KLRD1: variants seen among roughly 807,000 people sequenced by gnomAD.
The protein encoded by KLRD1 is killer cell lectin like receptor D1, also known as natural killer cells antigen CD94.
KLRD1 carries 21 observed loss-of-function variants against 22.6 expected under a neutral mutation model. The observed-to-expected ratio is 0.93, with a 90% confidence interval of 0.66 to 1.34. The LOEUF is 1.34. KLRD1 is among the 40% of genes most tolerant of loss of function. KLRD1 has a pLI of 0.00. For missense variants in KLRD1, 183 were observed against 208.6 expected (o/e 0.88, Z 0.76); for synonymous variants, 59 against 71.1 (o/e 0.83, Z 0.85).
At chr12:10,267,802 A>T (rs988631180) in intron 1 of KLRD1, among the ~76,000 whole-genome samples, 1 of 152,202 alleles carries the variant, frequency 6.6e-6, no homozygotes, top group Non-Finnish European at 1.5e-5. Context: ...GTAATTGTTA[A>T]TATGAACTAC....
At chr12:10,248,536 TCCTTCCTTCCTTCC>T (rs1565446955) in intron 1 of KLRD1, among the ~76,000 whole-genome samples, 8,909 of 112,262 alleles carry the variant, frequency 0.079, 561 homozygotes, top group African/African-American at 0.18. Context: ...TTCTTTTCCT[TCCTTCCTTCCTTCC>T]TTCCTTCCTT....
At position 10,266,947 on chromosome 12, in the gene KLRD1, T is replaced by C. The variant is rs1324823519; in HGVS notation, c.-101+40714T>C. Among the ~76,000 whole-genome samples the C allele has an allele frequency of 2.7e-5, 4 of 150,844 alleles. No homozygotes were observed. The East Asian group carries it at 7.7e-4, about 29-fold the overall frequency. ...ACACTTTGGTTTCTTTTTTTTCTTATTATACTTTAAGTTTTAGGGTACATG... is the reference window on the plus strand; with the variant it reads ...ACACTTTGGTTTCTTTTTTTTCTTACTATACTTTAAGTTTTAGGGTACATG... On this transcript the variant is annotated intron_variant, in intron 1 of 5. Transcript: ENST00000544747.
intron 1 of KLRD1, among the ~76,000 whole-genome samples, chr12:10,285,262 G>C (rs747279219): frequency 6.6e-6 from 1 of 152,116 alleles, no homozygotes; most frequent in African/African-American, 2.4e-5. Flanking sequence ...TGCTAAAATT[G>C]AAATTTAAGT....
chr12:10,271,868 A>C (rs1030855945), intron 1 of KLRD1, among the ~76,000 whole-genome samples: 1 of 152,090 alleles, frequency 6.6e-6, no homozygotes, highest in African/African-American at 2.4e-5. Context: ...TCTTTTAAAA[A>C]AATTCTTAGT....
At chr12:10,253,160 T>C (rs1384862374) in intron 1 of KLRD1, among the ~76,000 whole-genome samples, 1 of 152,044 alleles carries the variant, frequency 6.6e-6, no homozygotes, top group Non-Finnish European at 1.5e-5. Context: ...ATGCTTATAG[T>C]TCTAGCAATT....
chr12:10,307,146 A>G (rs971209679), upstream of KLRD1, among the ~76,000 whole-genome samples: 3 of 152,170 alleles, frequency 2.0e-5, no homozygotes, highest in Non-Finnish European at 4.4e-5. Context: ...TCTTCTGTAG[A>G]TGAAAAAGTG....
chr12:10,277,733 T>C (rs1005602620), intron 1 of KLRD1, among the ~76,000 whole-genome samples: 1 of 152,218 alleles, frequency 6.6e-6, no homozygotes, highest in Non-Finnish European at 1.5e-5. Context: ...TTTTATTTAT[T>C]TTATGATATT....
At chr12:10,293,954 C>T (rs1386800819) in intron 1 of KLRD1, among the ~76,000 whole-genome samples, 2 of 152,080 alleles carry the variant, frequency 1.3e-5, no homozygotes, top group Non-Finnish European at 2.9e-5. Flanking sequence ...TATTTTTATT[C>T]CCTTGGTATG....
At chr12:10,301,254 T>C (rs1177466036), upstream of KLRD1, among the ~76,000 whole-genome samples, 1 of 152,216 alleles carries the variant, frequency 6.6e-6, no homozygotes, top group East Asian at 1.9e-4. Context: ...TTTTTTCTTT[T>C]TCTGTTCCAT....
intron 1 of KLRD1, among the ~76,000 whole-genome samples, chr12:10,267,166 A>T (rs1292294934): frequency 6.7e-6 from 1 of 149,596 alleles, no homozygotes; most frequent in African/African-American, 2.5e-5. Context: ...TAATCTCATA[A>T]AATTTTACTT....
chr12:10,254,487 G>T (rs775576666), intron 1 of KLRD1, among the ~76,000 whole-genome samples: 2 of 150,188 alleles, frequency 1.3e-5, no homozygotes, highest in Non-Finnish European at 3.0e-5. Context: ...TGTACAGACT[G>T]GGAGAAAATA....
chr12:10,302,208 A>G (rs191432948), upstream of KLRD1, among the ~76,000 whole-genome samples: 33 of 152,360 alleles, frequency 2.2e-4, no homozygotes, highest in East Asian at 6.2e-3. Context: ...CTTACTTGAC[A>G]TAAAGTTGCC....
rs1159038356 is a variant in KLRD1 at position 10,323,944 on chromosome 12, C to T, written c.*9151C>T. ...TGGTGTGATCTCAGCTCACTGCAAC[C>T]TTCACCACCTGGGTTCAAGTTATTC... On this transcript the variant is annotated 3_prime_UTR_variant, in exon 6 of 6. Coordinates refer to ENST00000336164, the MANE Select transcript of KLRD1 (RefSeq NM_002262.5). 7.3e-6 allele frequency: 1 copy of T among 137,918 alleles called. No individual in the cohort carries two copies. The highest frequency in any genetic ancestry group is 1.5e-5 in the Non-Finnish European group (1 of 65,718). 8.5% of individuals were successfully genotyped at this position (137,918 alleles called of 1,614,324 possible).
At chr12:10,303,743 G>T (rs140922669), upstream of KLRD1, among the ~76,000 whole-genome samples, 20 of 152,132 alleles carry the variant, frequency 1.3e-4, no homozygotes, top group African/African-American at 4.3e-4. Context: ...TCTTTTTCTG[G>T]CATGCATCCC....
rs1258242642 is a variant in KLRD1 at position 10,325,253 on chromosome 12, G to T, written c.*10460G>T. 1 of 151,964 alleles carries T rather than the reference G, an allele frequency of 6.6e-6. No homozygotes were observed. Among genetic ancestry groups the T allele is most frequent in the Non-Finnish European group, 1.5e-5 (1 of 67,944 alleles). The allele number at this position is 151,964 out of a possible 1,614,324, so 9.4% of individuals were successfully genotyped here. On this transcript the variant is annotated 3_prime_UTR_variant, in exon 6 of 6. Coordinates refer to ENST00000336164, the MANE Select transcript of KLRD1 (RefSeq NM_002262.5). ...ATGCTTTTATTAAATGTTTTATTCT[G>T]CCTCGATTGAAATCAGATAGTTTTT...
At chr12:10,265,170 A>G (rs552684365) in intron 1 of KLRD1, among the ~76,000 whole-genome samples, 6 of 152,082 alleles carry the variant, frequency 3.9e-5, no homozygotes, top group Non-Finnish European at 8.8e-5. Context: ...TTTTAAAAAA[A>G]TTTTTTCAAA....
chr12:10,247,653 G>A (rs1227463691), intron 1 of KLRD1, among the ~76,000 whole-genome samples: 1 of 152,134 alleles, frequency 6.6e-6, no homozygotes, highest in Non-Finnish European at 1.5e-5. Flanking sequence ...TTGAATTGAA[G>A]TTCCCCTAAT....
At chr12:10,312,051 C>CTTTTT (rs71049085) in intron 4 of KLRD1, among the ~76,000 whole-genome samples, 103 of 123,108 alleles carry the variant, frequency 8.4e-4, no homozygotes, top group African/African-American at 1.3e-3. Flanking sequence ...CTTTTCTTTT[C>CTTTTT]TTTTTTTTTT....
Position 10,316,749 on chromosome 12 carries a change from T to C in KLRD1, c.*1956T>C, listed in dbSNP as rs1950239645. On this transcript the variant is annotated 3_prime_UTR_variant, in exon 6 of 6. Transcript: ENST00000336164. ...GCCTTTTGGTTCCTTGATTCCCATA[T>C]GCTAGGACAAGTAATTATTATTTTA... 1 of 152,242 alleles carries C rather than the reference T, an allele frequency of 6.6e-6. No individual in the cohort carries two copies. 9.4% of individuals were successfully genotyped at this position (152,242 alleles called of 1,614,324 possible). A position where few individuals can be genotyped will look rare whatever the true frequency, so the allele number is the denominator to read the frequency against.
Sources: allele counts gnomAD v4.1 joint callset (sites outside exome capture counted in the v4.1 genomes callset), GRCh38; gene constraint gnomAD v4.1.1; transcripts MANE v1.5; gene names NCBI Gene and HGNC (gene_info 2026-07-23, HGNC 2026-07-21).